The following TJP3 variants were observed in gnomAD, a reference collection of about 807,000 sequenced individuals.
TJP3 encodes the protein tight junction protein ZO-3.
TJP3 carries 85 observed loss-of-function variants against 104.2 expected under a neutral mutation model. The ratio of observed to expected loss-of-function variants is 0.82; its 90% CI spans 0.68 to 0.98. TJP3 has a LOEUF of 0.98. TJP3 is among the 50% of genes least tolerant of loss of function. The pLI is 0.00. For synonymous variants in TJP3, 550 were observed against 550.6 expected (o/e 1.00, Z 0.02); for missense variants, 1,367 against 1,322.8 (o/e 1.03, Z -0.52).
chr19:3,711,009 T>C (rs1397128062), intron 1 of TJP3, among the ~76,000 whole-genome samples: 1 of 150,262 alleles, frequency 6.7e-6, no homozygotes, highest in East Asian at 2.0e-4. Flanking sequence ...GTTCACGCCA[T>C]ACTCCTGCCT....
chr19:3,743,934 C>A lies in TJP3; in HGVS notation c.1844-5C>A, dbSNP rs1227669559. On this transcript the variant is annotated splice_polypyrimidine_tract_variant and splice_region_variant and intron_variant, in intron 14 of 20. Coordinates refer to ENST00000541714, the MANE Select transcript of TJP3 (RefSeq NM_001267560.2). ...TGATTCTTTCACTGTGTCTCTACCCCTCAGCCAGTTTCAAGCGCCCGGTAG... is the reference window on the plus strand; with the variant it reads ...TGATTCTTTCACTGTGTCTCTACCCATCAGCCAGTTTCAAGCGCCCGGTAG... 1 of 1,613,912 alleles carries A rather than the reference C, an allele frequency of 6.2e-7. No homozygotes were observed. The highest frequency in any genetic ancestry group is 8.5e-7 in the Non-Finnish European group (1 of 1,179,954).
In TJP3 at chr19:3,729,461, G is replaced by A. The variant is rs370137411; in HGVS notation, c.159-567G>A. Among the ~76,000 whole-genome samples the A allele has an allele frequency of 3.3e-5, 5 of 152,044 alleles. No homozygotes were observed. The East Asian group carries it at 7.7e-4, about 23-fold the overall frequency. The stretch of plus-strand genomic sequence containing the variant: ...AGTGGGGATTTGTGGTGTGGGGAGC[G>A]AGGAGTGAGAAGATGCCAGGTGTAG... On this transcript the variant is annotated intron_variant, in intron 3 of 20. Coordinates refer to ENST00000541714, the MANE Select transcript of TJP3 (RefSeq NM_001267560.2).
intron 1 of TJP3, among the ~76,000 whole-genome samples, chr19:3,723,236 T>G (rs1236066804): frequency 6.6e-6 from 1 of 152,126 alleles, no homozygotes; most frequent in East Asian, 1.9e-4. Flanking sequence ...CACACCCCAA[T>G]CATCACATTT....
chr19:3,720,760 G>A (rs2036533339), intron 1 of TJP3, among the ~76,000 whole-genome samples: 1 of 152,006 alleles, frequency 6.6e-6, no homozygotes, highest in African/African-American at 2.4e-5. Flanking sequence ...CCCTGAGCGG[G>A]AGGCTGGGCT....
At chr19:3,724,402 A>G (rs1470760995) in intron 1 of TJP3, among the ~76,000 whole-genome samples, 4 of 152,022 alleles carry the variant, frequency 2.6e-5, no homozygotes, top group Non-Finnish European at 5.9e-5. Flanking sequence ...TCACCATGTT[A>G]GCCAGGATAG....
At chr19:3,712,015 T>C (rs2036439115) in intron 1 of TJP3, among the ~76,000 whole-genome samples, 1 of 151,836 alleles carries the variant, frequency 6.6e-6, no homozygotes, top group Non-Finnish European at 1.5e-5. Context: ...TGTGTGTGTG[T>C]TCTTTCAGTT....
chr19:3,711,197 C>CCAAAATGAAGGGAGAG (rs2036431080), intron 1 of TJP3, among the ~76,000 whole-genome samples: 1 of 54,462 alleles, frequency 1.8e-5, no homozygotes, highest in African/African-American at 6.5e-5. Flanking sequence ...CCATGCCCGG[C>CCAAAATGAAGGGAGAG]CTTATTTTAT....
rs1294591288 is a variant in TJP3, at chr19:3,747,965, G to C, written c.2494G>C (p.Asp832His). The change falls in exon 19 of 21, where the codon GAT (aspartate) becomes CAT (histidine). Residue 832 changes from aspartate (D) to histidine (H), a missense_variant. Coordinates refer to ENST00000541714, the MANE Select transcript of TJP3 (RefSeq NM_001267560.2). Reference protein sequence around the residue: ...YTDGEGGPYTDVDDEPPAPAL... With the variant: ...YTDGEGGPYTHVDDEPPAPAL... Reference sequence around the variant, plus strand: ...AGACGGCGAGGGGGGGCCCTACACGGATGTGGATGATGAGCCCCCGGCTCC... The same window carrying C: ...AGACGGCGAGGGGGGGCCCTACACGCATGTGGATGATGAGCCCCCGGCTCC... The C allele has an allele frequency of 6.2e-7, 1 of 1,612,838 alleles. No homozygotes were observed. Among genetic ancestry groups the C allele is most frequent in the Admixed American group, 1.7e-5 (1 of 59,996 alleles).
chr19:3,725,347 G>A (rs1453741827), intron 1 of TJP3, among the ~76,000 whole-genome samples: 2 of 152,116 alleles, frequency 1.3e-5, no homozygotes, highest in East Asian at 1.9e-4. Flanking sequence ...ACTGTGCTGC[G>A]TGACCTCAGG....
In TJP3 at chr19:3,747,787, C is replaced by G. The variant is rs571377602; in HGVS notation, c.2323-7C>G. The G allele has an allele frequency of 6.4e-7, 1 of 1,574,254 alleles. No individual in the cohort carries two copies. The highest frequency in any genetic ancestry group is 1.7e-5 in the Admixed American group (1 of 57,790). On this transcript the variant is annotated splice_region_variant and splice_polypyrimidine_tract_variant and intron_variant, in intron 18 of 20. Transcript: ENST00000541714. The stretch of plus-strand genomic sequence containing the variant: ...GGCCAGCCGCAGCATCCACACCCAC[C>G]CCACAGCTGGATGGCTCCTTGGAGG...
At chr19:3,729,808 C>T (rs891898223) in intron 3 of TJP3, among the ~76,000 whole-genome samples, 3 of 151,632 alleles carry the variant, frequency 2.0e-5, no homozygotes, top group South Asian at 2.1e-4. Context: ...ATGTAGCTTC[C>T]ACTCTATGAT....
chr19:3,737,658 A>T (rs1319356348), intron 11 of TJP3, among the ~76,000 whole-genome samples: 1 of 151,812 alleles, frequency 6.6e-6, no homozygotes, highest in African/African-American at 2.4e-5. Flanking sequence ...TTGTGTCTTG[A>T]CCTTGCAGTG....
intron 18 of TJP3, among the ~76,000 whole-genome samples, 197 bp downstream of exon 18, chr19:3,747,073 G>T (rs2036906607): frequency 6.6e-6 from 1 of 151,870 alleles, no homozygotes; most frequent in African/African-American, 2.4e-5. Flanking sequence ...GTTTTTTGTT[G>T]TTTGATTTGA....
chr19:3,727,779 T>TGCCCAGCTACTCAGGA (rs950503075), intron 1 of TJP3, among the ~76,000 whole-genome samples: 9 of 151,672 alleles, frequency 5.9e-5, no homozygotes, highest in African/African-American at 4.8e-5. Flanking sequence ...CACCTGTAGG[T>TGCCCAGCTACTCAGGA]GCCCAGCTAC....
rs1374708888 is a variant in TJP3 at position 3,748,070 on chromosome 19, CA to C, written c.2600del (p.Gln867ArgfsTer27). ...GGATCGTGGGAGAATCTCGGCTCAT[CA>C]GGGGGCCCAGGTGCGTCGGACATGG... ...PRDRGRISAH[Q>X]GAQVDSRHPQ... is the part of the protein sequence containing the mutation. On this transcript the variant is annotated frameshift_variant, in exon 19 of 21. Coordinates refer to ENST00000541714, the MANE Select transcript of TJP3 (RefSeq NM_001267560.2). LOFTEE classifies it high-confidence loss of function. The C allele has an allele frequency of 9.6e-6, 15 of 1,567,320 alleles. No homozygotes were observed. Among genetic ancestry groups the C allele is most frequent in the Non-Finnish European group, 8.7e-6 (10 of 1,155,940 alleles).
rs572317004 is a variant in TJP3 at position 3,710,501 on chromosome 19, C to T, written c.-10+1940C>T. ...CAGCATCTCGAGAAAGTCCTGCCCC[C>T]TGGCTTGGTGCTTCCTCGTGGCCCT... On this transcript the variant is annotated intron_variant, in intron 1 of 20. Coordinates refer to ENST00000541714, the MANE Select transcript of TJP3 (RefSeq NM_001267560.2). 1.1e-4 allele frequency among the ~76,000 whole-genome samples: 17 copies of T among 152,370 alleles called. 1 individual carries two copies. In the South Asian group the frequency reaches 3.3e-3, roughly 30 times the overall value.
intron 14 of TJP3, among the ~76,000 whole-genome samples, chr19:3,743,024 G>A (rs1568387097): frequency 6.6e-6 from 1 of 151,688 alleles, no homozygotes; most frequent in African/African-American, 2.4e-5. Context: ...CCAGCACTTT[G>A]GGAGGCCGAG....
chr19:3,715,183 G>A (rs1235282834), intron 1 of TJP3, among the ~76,000 whole-genome samples: 2 of 150,570 alleles, frequency 1.3e-5, no homozygotes, highest in African/African-American at 2.4e-5. Context: ...TCCGCCTCCC[G>A]GGTTCACGCC....
intron 1 of TJP3, among the ~76,000 whole-genome samples, chr19:3,727,211 C>T (rs569940805): frequency 2.0e-4 from 30 of 151,552 alleles, no homozygotes; most frequent in Non-Finnish European, 3.8e-4. Flanking sequence ...AGGCTGGGCG[C>T]GGTGGCTCAT....
Sources: gnomAD v4.1 joint callset for allele counts (sites outside exome capture counted in the v4.1 genomes callset) on GRCh38, gnomAD v4.1.1 for gene constraint, MANE v1.5 for transcripts, NCBI Gene and HGNC (gene_info 2026-07-23, HGNC 2026-07-21) for gene names.